The following ZNF536 variants were observed in gnomAD, a reference collection of about 807,000 sequenced individuals.
The protein encoded by ZNF536 is zinc finger protein 536.
A neutral mutation model predicts 84.5 loss-of-function variants in ZNF536; 13 were observed. The observed-to-expected ratio is 0.15, with a 90% CI of 0.10 to 0.24. The LOEUF (loss-of-function observed/expected upper bound fraction) is 0.24, where lower values mean the gene tolerates loss of function less well. Among genes scored for constraint, ZNF536 ranks in the 10% least tolerant of loss-of-function variants. The probability of loss-of-function intolerance (pLI) is 1.00; values close to 1 mark genes in which losing one functional copy is unlikely to be tolerated. For missense variants in ZNF536, 1,536 were observed against 1,747.5 expected (o/e 0.88, Z 2.16); for synonymous variants, 811 against 742.5 (o/e 1.09, Z -1.50).
At chr19:30,305,959 G>T (rs958013682) in intron 2 of ZNF536, among the ~76,000 whole-genome samples, 1 of 152,228 alleles carries the variant, frequency 6.6e-6, no homozygotes, top group Non-Finnish European at 1.5e-5. Context: ...ATCTGACAGA[G>T]GGTCACATCG....
intron 1 of ZNF536, among the ~76,000 whole-genome samples, chr19:30,685,484 G>T (rs11878397): frequency 0.19 from 28,856 of 151,914 alleles, 3,067 homozygotes; most frequent in Non-Finnish European, 0.22. Flanking sequence ...ATCCAGCTTG[G>T]CTCCTTGCAA....
At chr19:30,542,776 A>C (rs889074560) in intron 3 of ZNF536, among the ~76,000 whole-genome samples, 2 of 152,172 alleles carry the variant, frequency 1.3e-5, no homozygotes, top group Non-Finnish European at 2.9e-5. Context: ...AATATTTAAA[A>C]ATTAAGATAC....
At chr19:30,238,827 A>AC (rs546742020) in intron 1 of ZNF536, among the ~76,000 whole-genome samples, 134 of 138,670 alleles carry the variant, frequency 9.7e-4, no homozygotes, top group Non-Finnish European at 1.8e-3. Context: ...CCAAATTAAA[A>AC]AAAAAATATA....
intron 1 of ZNF536, among the ~76,000 whole-genome samples, chr19:30,571,707 C>T (rs551767661): frequency 3.7e-4 from 56 of 152,254 alleles, no homozygotes; most frequent in African/African-American, 1.3e-3. Context: ...CTTCCTCCCA[C>T]GGTCTCAGGC....
chr19:30,671,945 T>C (rs2050572027), intron 1 of ZNF536, among the ~76,000 whole-genome samples: 1 of 152,132 alleles, frequency 6.6e-6, no homozygotes, highest in African/African-American at 2.4e-5. Flanking sequence ...GCCCATCATC[T>C]ACCCAGGAGT....
chr19:30,478,627 TCTTC>T (rs1277713129), intron 2 of ZNF536, among the ~76,000 whole-genome samples: 2 of 152,306 alleles, frequency 1.3e-5, no homozygotes, highest in Middle Eastern at 3.4e-3. Flanking sequence ...ATGATGATTA[TCTTC>T]CTTCTAAACA....
intron 3 of ZNF536, among the ~76,000 whole-genome samples, chr19:30,362,961 A>G (rs917455393): frequency 1.3e-5 from 2 of 152,140 alleles, no homozygotes; most frequent in Admixed American, 1.3e-4. Flanking sequence ...TGGGAGGCTG[A>G]GGCCAGAGAA....
intron 1 of ZNF536, among the ~76,000 whole-genome samples, chr19:30,609,203 A>G (rs2048003839): frequency 6.6e-6 from 1 of 152,232 alleles, no homozygotes; most frequent in African/African-American, 2.4e-5. Context: ...TATTAAAAGA[A>G]GACTTGTTTG....
chr19:30,286,118 C>T lies in ZNF536; in HGVS notation c.-120+1977C>T, dbSNP rs2145715626. ...CCATGAGCCTGGCCCGAGCGAGGGC[C>T]TGAATCTTAGCGTCTTCCACTTAAA... On this transcript the variant is annotated intron_variant, in intron 2 of 5. Coordinates refer to the ZNF536 transcript ENST00000585628. 1.3e-5 allele frequency among the ~76,000 whole-genome samples: 2 copies of T among 152,298 alleles called. 1 individual carries two copies. The highest frequency in any genetic ancestry group is 4.2e-4 in the South Asian group (2 of 4,816).
At chr19:30,581,644 A>G (rs549651851) in intron 1 of ZNF536, among the ~76,000 whole-genome samples, 1 of 152,232 alleles carries the variant, frequency 6.6e-6, no homozygotes, top group African/African-American at 2.4e-5. Context: ...CAGGACAGTA[A>G]AGAAAAGGAG....
chr19:30,627,364 G>A (rs937345160), intron 1 of ZNF536, among the ~76,000 whole-genome samples: 3 of 150,500 alleles, frequency 2.0e-5, no homozygotes, highest in East Asian at 2.0e-4. Context: ...CCAGCTAATC[G>A]GGAAGCTGAG....
intron 1 of ZNF536, among the ~76,000 whole-genome samples, chr19:30,246,939 G>T (rs181783926): frequency 6.6e-6 from 1 of 152,304 alleles, no homozygotes; most frequent in Non-Finnish European, 1.5e-5. Context: ...TGGGTTCCTT[G>T]ATGTAGAAAC....
intron 1 of ZNF536, among the ~76,000 whole-genome samples, chr19:30,705,309 ATGTGTG>A (rs56199909): frequency 4.0e-5 from 6 of 149,110 alleles, no homozygotes; most frequent in South Asian, 2.2e-4. Flanking sequence ...ACTCAGAAAG[ATGTGTG>A]TGTGTGTGTG....
At chr19:30,678,678 C>T (rs761290884) in intron 1 of ZNF536, among the ~76,000 whole-genome samples, 75 of 152,266 alleles carry the variant, frequency 4.9e-4, no homozygotes, top group Non-Finnish European at 9.3e-4. Flanking sequence ...AGAAATCAGA[C>T]TATGTCTGGA....
chr19:30,419,802 C>T (rs1009714550), intron 1 of ZNF536, among the ~76,000 whole-genome samples: 1 of 152,210 alleles, frequency 6.6e-6, no homozygotes, highest in Non-Finnish European at 1.5e-5. Flanking sequence ...CACCATGGCT[C>T]TCCCCATCCA....
intron 2 of ZNF536, among the ~76,000 whole-genome samples, chr19:30,472,911 G>T (rs1444951642): frequency 6.6e-6 from 1 of 152,024 alleles, no homozygotes; most frequent in East Asian, 1.9e-4. Flanking sequence ...AAGGGTAGAG[G>T]CCGGGTGAGG....
chr19:30,706,726 C>T (rs1056964154), intron 1 of ZNF536, among the ~76,000 whole-genome samples: 4 of 152,004 alleles, frequency 2.6e-5, no homozygotes, highest in Non-Finnish European at 4.4e-5. Context: ...ACTTGTCATA[C>T]GATAGTGACA....
At chr19:30,471,188 C>T (rs1483059369) in intron 2 of ZNF536, among the ~76,000 whole-genome samples, 1 of 152,086 alleles carries the variant, frequency 6.6e-6, no homozygotes, top group African/African-American at 2.4e-5. Flanking sequence ...GTGAGGAAGG[C>T]CAGGGAGATA....
At chr19:30,446,439 C>T (rs1239560413) in intron 2 of ZNF536, among the ~76,000 whole-genome samples, 1 of 152,070 alleles carries the variant, frequency 6.6e-6, no homozygotes, top group Non-Finnish European at 1.5e-5. Context: ...TGGCATTCTG[C>T]TCTATCCCTG....
Sources: gnomAD v4.1 joint callset for allele counts (sites outside exome capture counted in the v4.1 genomes callset) on GRCh38, gnomAD v4.1.1 for gene constraint, MANE v1.5 for transcripts, NCBI Gene and HGNC (gene_info 2026-07-23, HGNC 2026-07-21) for gene names.